TBC1D9B: variants seen among roughly 807,000 people sequenced by gnomAD.
The protein encoded by TBC1D9B is TBC1 domain family, member 9B (with GRAM domain).
In TBC1D9B, 87 loss-of-function variants were observed where a neutral mutation model predicts 121.1. That is an observed-to-expected ratio of 0.72 (90% CI 0.60 to 0.86). TBC1D9B has a LOEUF of 0.86. TBC1D9B is among the 40% of genes least tolerant of loss of function. The pLI, the probability that TBC1D9B is intolerant of heterozygous loss-of-function variation, is 0.00. For synonymous variants in TBC1D9B, 668 were observed against 670.1 expected (o/e 1.00, Z 0.05); for missense variants, 1,540 against 1,628.6 (o/e 0.95, Z 0.94).
chr5:179,891,641 C>A lies in TBC1D9B; in HGVS notation c.837-55G>T. ...AAAGGGGACAAGGTCAGGACCAGCACACTCTCAAGGAAGCCTTGGGGCCTC... is the reference window on the plus strand; with the variant it reads ...AAAGGGGACAAGGTCAGGACCAGCAAACTCTCAAGGAAGCCTTGGGGCCTC... On this transcript the variant is annotated intron_variant, in intron 5 of 20. Transcript: ENST00000355235. This position sits in a 1 kb window ranked among gnomAD's most constrained non-coding sequence, Gnocchi z 4.3. 6.3e-7 allele frequency: 1 copy of A among 1,589,600 alleles called. No homozygotes were observed. The highest frequency in any genetic ancestry group is 8.6e-7 in the Non-Finnish European group (1 of 1,166,966).
At chr5:179,887,385 G>A (rs1416530355) in intron 7 of TBC1D9B, among the ~76,000 whole-genome samples, 2 of 152,260 alleles carry the variant, frequency 1.3e-5, no homozygotes, top group African/African-American at 4.8e-5. Flanking sequence ...CGGTCTCACC[G>A]CTCAACCAAC....
chr5:179,889,142 G>A (rs1177992474), intron 6 of TBC1D9B, among the ~76,000 whole-genome samples: 1 of 151,890 alleles, frequency 6.6e-6, no homozygotes, highest in African/African-American at 2.4e-5. Flanking sequence ...CCATTCTCCT[G>A]CCTCAGCCTC....
rs1356180868 is a variant in TBC1D9B at position 179,865,339 on chromosome 5, G to A, written c.2936C>T (p.Pro979Leu). 9.9e-6 allele frequency: 16 copies of A among 1,614,060 alleles called. No homozygotes were observed. The highest frequency in any genetic ancestry group is 2.7e-5 in the African/African-American group (2 of 75,038). ...ERGEEKGTSS[P>L]DYRHYLRMWA... ...CATTCGAAGGTAGTGCCGATAGTCC[G>A]GAGAGCTGGTCCCCTTCTCCTCTGC... The change falls in exon 20 of 21, where the codon CCG becomes CTG. Residue 979 changes from proline to leucine, a missense_variant. Coordinates refer to ENST00000355235, the MANE Select transcript of TBC1D9B (RefSeq NM_015043.4). This position sits in a 1 kb window ranked among gnomAD's most constrained non-coding sequence, Gnocchi z 5.1.
At chr5:179,870,689 G>A in intron 15 of TBC1D9B, 194 bp from the exon 16 acceptor site, 1 of 853,784 alleles carries the variant, frequency 1.2e-6, no homozygotes, top group Non-Finnish European at 1.7e-6. Context: ...CAGATGGGGA[G>A]GGGGTTGGCT....
chr5:179,866,104 A>T, intron 18 of TBC1D9B: 1 of 557,206 alleles, frequency 1.8e-6, no homozygotes, highest in East Asian at 3.1e-5. Flanking sequence ...TCACTTGGTC[A>T]GGTTAAAATA....
chr5:179,867,851 T>C lies in TBC1D9B; in HGVS notation c.2792-2A>G. On this transcript the variant is annotated splice_acceptor_variant, in intron 17 of 20. Coordinates refer to ENST00000355235, the MANE Select transcript of TBC1D9B (RefSeq NM_015043.4). LOFTEE classifies it high-confidence loss of function. ...ACTCGGCTTCCTCTGGGCTCAGAGC[T>C]GTGCTTGGAGAGAAGGCAGAGTGAG... 1 of 1,516,016 alleles carries C rather than the reference T, an allele frequency of 6.6e-7. No homozygotes were observed. Among genetic ancestry groups the C allele is most frequent in the Non-Finnish European group, 8.8e-7 (1 of 1,132,108 alleles). The allele number at this position is 1,516,016 out of a possible 1,614,324, so 93.9% of individuals were successfully genotyped here. A position where few individuals can be genotyped will look rare whatever the true frequency, so the allele number is the denominator to read the frequency against.
At chr5:179,878,602 CG>C in intron 9 of TBC1D9B, 79 bp from the exon 10 acceptor site, 1 of 1,384,898 alleles carries the variant, frequency 7.2e-7, no homozygotes. Flanking sequence ...TTGGAGTCAC[CG>C]GGTGCCCCAC....
At position 179,863,359 on chromosome 5, in the gene TBC1D9B, A is replaced by G. The variant is rs1759901892; in HGVS notation, c.*89T>C. 5 of 1,456,948 alleles carry G rather than the reference A, an allele frequency of 3.4e-6. No individual in the cohort carries two copies. In the Admixed American group the frequency reaches 1.1e-4, roughly 32 times the overall value. 90.3% of individuals were successfully genotyped at this position (1,456,948 alleles called of 1,614,324 possible). On this transcript the variant is annotated 3_prime_UTR_variant, in exon 21 of 21. Coordinates refer to ENST00000355235, the MANE Select transcript of TBC1D9B (RefSeq NM_015043.4). The surrounding 1 kb of genome is among the most constrained non-coding windows in gnomAD (Gnocchi z 4.5). ...GGGAGAGCAGGAGGGGCACACCTTT[A>G]AAGAGAAACTGATAAGGGAGGAAAG...
chr5:179,893,134 G>A lies in TBC1D9B; in HGVS notation c.836+75C>T, dbSNP rs1760910823. ...ACACCTTCTCCAGGTCTACACACTT[G>A]GACCAGGCAGGTCCCAGCCAAGGTC... is the stretch of plus-strand genomic sequence containing the variant. On this transcript the variant is annotated intron_variant, in intron 5 of 20. Coordinates refer to ENST00000355235, the MANE Select transcript of TBC1D9B (RefSeq NM_015043.4). 4 of 1,520,562 alleles carry A rather than the reference G, an allele frequency of 2.6e-6. No individual in the cohort carries two copies. The African/African-American group carries it at 4.1e-5, about 16-fold the overall frequency. 94.2% of individuals were successfully genotyped at this position (1,520,562 alleles called of 1,614,324 possible).
intron 1 of TBC1D9B, among the ~76,000 whole-genome samples, chr5:179,906,921 G>A (rs532630776): frequency 7.9e-5 from 12 of 152,370 alleles, no homozygotes; most frequent in African/African-American, 2.4e-4. Context: ...CCGGGCTCCT[G>A]CAGTGCTGGG....
At chr5:179,872,848 G>GCCCCCCCCCCCCCCCCCC in intron 14 of TBC1D9B, 44 bp downstream of exon 14, 1 of 1,457,256 alleles carries the variant, frequency 6.9e-7, no homozygotes, top group Non-Finnish European at 9.5e-7. Context: ...AGGCACTGCT[G>GCCCCCCCCCCCCCCCCCC]CCCCCCCAGC....
chr5:179,867,183 CAG>C lies in TBC1D9B; in HGVS notation c.2863+593_2863+594del, dbSNP rs376776236. ...TATTTGTTTCCTACTCACAGGAAGA[CAG>C]AATGTCTCTAACATGTGGCTGTGGA... On this transcript the variant is annotated intron_variant, in intron 18 of 20. Coordinates refer to ENST00000355235, the MANE Select transcript of TBC1D9B (RefSeq NM_015043.4). The C allele has an allele frequency of 2.4e-3, 1,014 of 427,154 alleles. 8 individuals are homozygous for C. The highest frequency in any genetic ancestry group is 0.018 in the African/African-American group (917 of 51,680). The allele number at this position is 427,154 out of a possible 1,614,324, so 26.5% of individuals were successfully genotyped here.
intron 7 of TBC1D9B, chr5:179,887,737 A>C (rs1388272164): frequency 1.3e-5 from 4 of 298,616 alleles, no homozygotes; most frequent in Non-Finnish European, 2.5e-5. Flanking sequence ...ACCGTCAAGA[A>C]CTTCAGCCTG....
intron 7 of TBC1D9B, among the ~76,000 whole-genome samples, chr5:179,884,729 C>T (rs1760629448): frequency 6.6e-6 from 1 of 152,212 alleles, no homozygotes; most frequent in African/African-American, 2.4e-5. Context: ...TGGAGGACAT[C>T]ACGCTGAATG....
chr5:179,872,190 C>A (rs1285531400), intron 14 of TBC1D9B: 2 of 156,590 alleles, frequency 1.3e-5, no homozygotes, highest in Non-Finnish European at 2.8e-5. Flanking sequence ...CGTGGGGGAG[C>A]CTCTGTCCTC....
chr5:179,870,545 G>A lies in TBC1D9B; in HGVS notation c.2485-50C>T, dbSNP rs772258903. The A allele has an allele frequency of 3.5e-5, 55 of 1,552,772 alleles. 1 individual carries two copies. The African/African-American group carries it at 4.9e-4, about 14-fold the overall frequency. On this transcript the variant is annotated intron_variant, in intron 15 of 20. Transcript: ENST00000355235. ...GGTCCAGCCGCTAAGCCTGTGGGTCGAGGGGACCCCTAGGCTGGTGGTGTG... is the reference window on the plus strand; with the variant it reads ...GGTCCAGCCGCTAAGCCTGTGGGTCAAGGGGACCCCTAGGCTGGTGGTGTG...
chr5:179,886,123 G>A (rs1190462844), intron 7 of TBC1D9B, among the ~76,000 whole-genome samples: 1 of 152,178 alleles, frequency 6.6e-6, no homozygotes, highest in Non-Finnish European at 1.5e-5. Flanking sequence ...GCAACAGAGA[G>A]AAAATGGAGC....
At position 179,862,898 on chromosome 5, in the gene TBC1D9B, C is replaced by T. The variant is rs1759886835; in HGVS notation, c.*550G>A. On this transcript the variant is annotated 3_prime_UTR_variant, in exon 21 of 21. Coordinates refer to ENST00000355235, the MANE Select transcript of TBC1D9B (RefSeq NM_015043.4). The stretch of plus-strand genomic sequence containing the variant: ...GCACGTGTACAGCCACGCCTGTGCG[C>T]AGCGCCCACTCTGTGCAATAAACAT... 3.4e-6 allele frequency: 1 copy of T among 297,042 alleles called. No individual in the cohort carries two copies. The highest frequency in any genetic ancestry group is 4.0e-5 in the Admixed American group (1 of 25,292). 18.4% of individuals were successfully genotyped at this position (297,042 alleles called of 1,614,324 possible).
intron 17 of TBC1D9B, chr5:179,868,880 T>C (rs1405720793): frequency 6.6e-6 from 1 of 152,634 alleles, no homozygotes; most frequent in Non-Finnish European, 1.5e-5. Context: ...TAGCCCCGCA[T>C]GCTCTCAACC....
Sources: gnomAD v4.1 joint callset for allele counts (sites outside exome capture counted in the v4.1 genomes callset) on GRCh38, gnomAD v4.1.1 for gene constraint, Gnocchi (gnomAD v3.1) non-coding constraint, MANE v1.5 for transcripts, NCBI Gene and HGNC (gene_info 2026-07-23, HGNC 2026-07-21) for gene names.